The following CERS6 variants were observed in gnomAD, a reference collection of about 807,000 sequenced individuals.
CERS6 encodes the protein LAG1 homolog, ceramide synthase 6.
In CERS6, 26 loss-of-function variants were observed where a neutral mutation model predicts 56.8. That is an observed-to-expected ratio of 0.46 (90% CI 0.34 to 0.63). The LOEUF is 0.63. Ranked by LOEUF, CERS6 falls within the 30% of genes least tolerant of loss-of-function variation. The pLI, the probability that CERS6 is intolerant of heterozygous loss-of-function variation, is 0.01. For synonymous variants in CERS6, 164 were observed against 173.3 expected (o/e 0.95, Z 0.42); for missense variants, 415 against 467.5 (o/e 0.89, Z 1.04).
chr2:168,523,120 T>C (rs535863221), intron 1 of CERS6, among the ~76,000 whole-genome samples: 1 of 152,358 alleles, frequency 6.6e-6, no homozygotes, highest in South Asian at 2.1e-4. Context: ...CTGGTTTTGC[T>C]GCACTAGCTT....
rs187187603 is a variant in CERS6, at chr2:168,492,634, C to T, written c.170+36016C>T. Among the ~76,000 whole-genome samples the T allele has an allele frequency of 7.9e-5, 12 of 152,250 alleles. No individual in the cohort carries two copies. In the East Asian group the frequency reaches 1.2e-3, roughly 15 times the overall value. On this transcript the variant is annotated intron_variant, in intron 1 of 9. Transcript: ENST00000305747. Reference sequence around the variant, plus strand: ...TTCAGTTTAATTAGATCCCATTTGTCGATTTTGGCTTTTGTTGCCATTGCT... The same window carrying T: ...TTCAGTTTAATTAGATCCCATTTGTTGATTTTGGCTTTTGTTGCCATTGCT...
chr2:168,744,284 G>A (rs890620614), intron 8 of CERS6, among the ~76,000 whole-genome samples: 1 of 152,044 alleles, frequency 6.6e-6, no homozygotes, highest in African/African-American at 2.4e-5. Context: ...GGATTTACAG[G>A]TGTGAGCCAC....
intron 4 of CERS6, among the ~76,000 whole-genome samples, chr2:168,683,592 G>T (rs1184368426): frequency 6.6e-6 from 1 of 152,070 alleles, no homozygotes; most frequent in Admixed American, 6.5e-5. Flanking sequence ...CTCTCTCCCC[G>T]TGTGTTGACA....
chr2:168,725,934 A>G (rs938246101), intron 8 of CERS6, among the ~76,000 whole-genome samples: 7 of 152,200 alleles, frequency 4.6e-5, no homozygotes, highest in African/African-American at 1.7e-4. Context: ...CATCATTGTA[A>G]GCTGTTACAA....
intron 6 of CERS6, among the ~76,000 whole-genome samples, chr2:168,701,657 AC>A (rs1034628069): frequency 1.4e-4 from 21 of 152,122 alleles, no homozygotes; most frequent in African/African-American, 4.8e-4. Context: ...AGGACCACCA[AC>A]CCCCGCCCCC....
intron 8 of CERS6, among the ~76,000 whole-genome samples, chr2:168,759,614 A>G (rs909727767): frequency 1.3e-5 from 2 of 152,194 alleles, no homozygotes; most frequent in Admixed American, 1.3e-4. Flanking sequence ...TTAATGAATC[A>G]TAAGATTTAA....
chr2:168,745,358 C>T (rs1684067469), intron 8 of CERS6, among the ~76,000 whole-genome samples: 1 of 152,064 alleles, frequency 6.6e-6, no homozygotes, highest in Non-Finnish European at 1.5e-5. Flanking sequence ...TCTCCTGCCT[C>T]AGCCTCCCGA....
intron 1 of CERS6, among the ~76,000 whole-genome samples, chr2:168,520,800 G>A (rs1694964770): frequency 6.6e-6 from 1 of 151,166 alleles, no homozygotes. Context: ...AATAGAGAAG[G>A]GGTTTCACCA....
rs1693998877 is a variant in CERS6, at chr2:168,472,661, T to C, written c.170+16043T>C. 2.0e-5 allele frequency among the ~76,000 whole-genome samples: 3 copies of C among 152,326 alleles called. No homozygotes were observed. In the South Asian group the frequency reaches 6.2e-4, roughly 32 times the overall value. On this transcript the variant is annotated intron_variant, in intron 1 of 9. Coordinates refer to ENST00000305747, the MANE Select transcript of CERS6 (RefSeq NM_203463.3). ...AAGGCCATAGTCAGAACATCCATTTTCTTTTCCACCTTATTTGATTAATAT... is the reference window on the plus strand; with the variant it reads ...AAGGCCATAGTCAGAACATCCATTTCCTTTTCCACCTTATTTGATTAATAT...
chr2:168,689,124 C>A (rs942166485), intron 4 of CERS6, among the ~76,000 whole-genome samples: 2 of 152,124 alleles, frequency 1.3e-5, no homozygotes, highest in African/African-American at 4.8e-5. Context: ...GAACATGAGG[C>A]CTTGCATTTC....
chr2:168,729,393 C>T (rs1038786099), intron 8 of CERS6, among the ~76,000 whole-genome samples: 1 of 152,172 alleles, frequency 6.6e-6, no homozygotes, highest in Non-Finnish European at 1.5e-5. Context: ...CAGTTATATA[C>T]CAGGCTAGTG....
chr2:168,612,039 T>C (rs1454084379), intron 3 of CERS6, among the ~76,000 whole-genome samples: 1 of 152,202 alleles, frequency 6.6e-6, no homozygotes, highest in East Asian at 1.9e-4. Flanking sequence ...AAAATAGTAA[T>C]GATAGTTAAG....
intron 3 of CERS6, among the ~76,000 whole-genome samples, chr2:168,579,270 G>A (rs1683350750): frequency 6.6e-6 from 1 of 152,198 alleles, no homozygotes; most frequent in African/African-American, 2.4e-5. Flanking sequence ...AGCCCGTGGA[G>A]TTGGGGGGGC....
chr2:168,736,139 T>A (rs1240725722), intron 8 of CERS6, among the ~76,000 whole-genome samples: 2 of 152,206 alleles, frequency 1.3e-5, no homozygotes, highest in African/African-American at 4.8e-5. Flanking sequence ...AGCACTCTTC[T>A]CATACTTTTG....
At chr2:168,657,076 A>T (rs1685496104) in intron 4 of CERS6, among the ~76,000 whole-genome samples, 1 of 150,998 alleles carries the variant, frequency 6.6e-6, no homozygotes, top group South Asian at 2.1e-4. Context: ...GTGTATTTAC[A>T]ATCCTTGAGC....
intron 3 of CERS6, among the ~76,000 whole-genome samples, chr2:168,564,985 A>G (rs935428508): frequency 6.6e-6 from 1 of 152,220 alleles, no homozygotes; most frequent in Admixed American, 6.5e-5. Flanking sequence ...TTTTGGAAAG[A>G]GTTGCTGATC....
rs757626907 is a variant in CERS6 at position 168,561,268 on chromosome 2, G to A, written c.353G>A (p.Arg118Gln). The A allele has an allele frequency of 9.3e-6, 15 of 1,614,102 alleles. No individual in the cohort carries two copies. Among genetic ancestry groups the A allele is most frequent in the Middle Eastern group, 1.7e-4 (1 of 6,060 alleles). The part of the protein sequence containing the change: ...WDVRSIQRWF[R>Q]QRRNQEKPST... ...GTTCGAAGCATTCAGCGCTGGTTTC[G>A]ACAAAGACGCAATCAGGAGAAGCCA... is the stretch of plus-strand genomic sequence containing the variant. Residue 118 changes from arginine (R) to glutamine (Q), a missense_variant, in exon 3 of 10, where the codon CGA (arginine) becomes CAA (glutamine). Coordinates refer to ENST00000305747, the MANE Select transcript of CERS6 (RefSeq NM_203463.3).
At chr2:168,739,683 T>G (rs1335033409) in intron 8 of CERS6, among the ~76,000 whole-genome samples, 1 of 152,132 alleles carries the variant, frequency 6.6e-6, no homozygotes, top group Non-Finnish European at 1.5e-5. Context: ...GCATAAATAG[T>G]GGAATCCTCA....
intron 8 of CERS6, among the ~76,000 whole-genome samples, chr2:168,749,273 C>T (rs1182399540): frequency 1.6e-5 from 2 of 128,106 alleles, no homozygotes; most frequent in East Asian, 2.3e-4. Flanking sequence ...GACCCCTCTT[C>T]GCTATCTGAA....
Sources: gnomAD v4.1 joint callset for allele counts (sites outside exome capture counted in the v4.1 genomes callset) on GRCh38, gnomAD v4.1.1 for gene constraint, MANE v1.5 for transcripts, NCBI Gene and HGNC (gene_info 2026-07-23, HGNC 2026-07-21) for gene names.